Variants in PRDX2 observed in about 807,000 individuals in gnomAD.
PRDX2 encodes peroxiredoxin 2.
In PRDX2, 10 loss-of-function variants were observed where a neutral mutation model predicts 19.8. The ratio of observed to expected loss-of-function variants is 0.50; its 90% CI spans 0.31 to 0.86. PRDX2 has a LOEUF of 0.86. Among genes scored for constraint, PRDX2 ranks in the 40% least tolerant of loss-of-function variants. PRDX2 has a pLI of 0.04. For synonymous variants in PRDX2, 118 were observed against 108.2 expected, an observed-to-expected ratio of 1.09 and a Z score of -0.56; for missense variants, 226 against 260.1, an observed-to-expected ratio of 0.87 and a Z score of 0.90.
intron 5 of PRDX2, chr19:12,799,629 G>C (rs34186581): frequency 2.5e-6 from 1 of 404,488 alleles, no homozygotes; most frequent in East Asian, 5.6e-5. Context: ...CAAAGTGCTG[G>C]CAATACAACC....
chr19:12,798,263 T>C (rs1302808305), intron 5 of PRDX2, among the ~76,000 whole-genome samples: 1 of 152,104 alleles, frequency 6.6e-6, no homozygotes, highest in African/African-American at 2.4e-5. Flanking sequence ...GCTAGGATGG[T>C]CTCGATCTCC....
rs558104832 is a variant in PRDX2, at chr19:12,801,285, C to T, written c.-9-15G>A. On this transcript the variant is annotated splice_polypyrimidine_tract_variant and intron_variant, in intron 1 of 5. Transcript: ENST00000301522. ...ATGACTGAAAGCTGAGACCCCCGCC[C>T]GGTCAGTGCGCCCGGGAAGACACTT... The T allele has an allele frequency of 1.1e-5, 17 of 1,596,444 alleles. No individual in the cohort carries two copies. Among genetic ancestry groups the T allele is most frequent in the East Asian group, 2.3e-5 (1 of 43,508 alleles).
rs541030952 is a variant in PRDX2 at position 12,801,696 on chromosome 19, C to T, written c.-10+44G>A. On this transcript the variant is annotated intron_variant, in intron 1 of 5. Transcript: ENST00000301522. ...TAAAGTCAGGATCGGGCCAAAGCAG[C>T]CTGAAGGGGGTCCTCCCGCCAGGTG... is the stretch of plus-strand genomic sequence containing the variant. 1.4e-3 allele frequency: 409 copies of T among 293,352 alleles called. 3 individuals carry two copies. The highest frequency in any genetic ancestry group is 4.1e-3 in the Middle Eastern group (4 of 968). 18.2% of individuals were successfully genotyped at this position (293,352 alleles called of 1,614,324 possible). A position where few individuals can be genotyped will look rare whatever the true frequency, so the allele number is the denominator to read the frequency against.
At chr19:12,801,676 T>A in intron 1 of PRDX2, 64 bp downstream of exon 1, 1 of 316,224 alleles carries the variant, frequency 3.2e-6, no homozygotes, top group Non-Finnish European at 5.9e-6. Context: ...AGCACTAAAG[T>A]CAGGATCGGG....
At position 12,801,000 on chromosome 19, in the gene PRDX2, A is replaced by G; in HGVS notation, c.173T>C (p.Phe58Ser). 6.2e-7 allele frequency: 1 copy of G among 1,612,480 alleles called. No homozygotes were observed. Among genetic ancestry groups the G allele is most frequent in the East Asian group, 2.2e-5 (1 of 44,864 alleles). ...TFVCPTEIIA[F>S]SNRAEDFRKL... ...GCGGAAGTCCTCTGCACGGTTGCTGAACGCGATGATCTCGGTGGGGCACAC... is the reference window on the plus strand; with the variant it reads ...GCGGAAGTCCTCTGCACGGTTGCTGGACGCGATGATCTCGGTGGGGCACAC... Residue 58 changes from phenylalanine to serine, a missense_variant, in exon 3 of 6, where the codon TTC (phenylalanine) becomes TCC (serine). Transcript: ENST00000301522.
Position 12,796,967 on chromosome 19 carries a change from G to A in PRDX2, c.*114C>T, listed in dbSNP as rs1968800132. ...CCAGGGTCCCATACTGTGGAGTTTG[G>A]AGGGGCAGGTCTGGCCTTTCCTGGG... On this transcript the variant is annotated 3_prime_UTR_variant, in exon 6 of 6. Coordinates refer to ENST00000301522, the MANE Select transcript of PRDX2 (RefSeq NM_005809.6). The A allele has an allele frequency of 2.0e-6, 2 of 1,014,220 alleles. No individual in the cohort carries two copies. The highest frequency in any genetic ancestry group is 1.5e-5 in the South Asian group (1 of 68,136). The allele number at this position is 1,014,220 out of a possible 1,614,324, so 62.8% of individuals were successfully genotyped here. A position where few individuals can be genotyped will look rare whatever the true frequency, so the allele number is the denominator to read the frequency against.
chr19:12,801,626 C>A, intron 1 of PRDX2, 114 bp downstream of exon 1: 1 of 383,534 alleles, frequency 2.6e-6, no homozygotes, highest in Non-Finnish European at 4.8e-6. Flanking sequence ...CCCGCAAGGA[C>A]AAAGGAGGCC....
chr19:12,797,078 A>G lies in PRDX2; in HGVS notation c.*3T>C. Reference sequence around the variant, plus strand: ...GGCACAAGCTCACTATCCGTTAGCCAGCCTAATTGTGTTTGGAGAAATATT... The same window carrying G: ...GGCACAAGCTCACTATCCGTTAGCCGGCCTAATTGTGTTTGGAGAAATATT... On this transcript the variant is annotated 3_prime_UTR_variant, in exon 6 of 6. Transcript: ENST00000301522. 6.2e-7 allele frequency: 1 copy of G among 1,613,898 alleles called. No individual in the cohort carries two copies. Among genetic ancestry groups the G allele is most frequent in the Non-Finnish European group, 8.5e-7 (1 of 1,179,970 alleles).
Position 12,801,246 on chromosome 19 carries a change from C to G in PRDX2, c.16G>C (p.Ala6Pro). ...TCAGGGGCTGGCTTTCCGATGCGCGCGTTACCGGAGGCCATGACTGAAAGC... is the reference window on the plus strand; with the variant it reads ...TCAGGGGCTGGCTTTCCGATGCGCGGGTTACCGGAGGCCATGACTGAAAGC... Reference protein sequence around the residue: MASGNARIGKPAPDFK... With the variant: MASGNPRIGKPAPDFK... Residue 6 changes from alanine to proline, a missense_variant, in exon 2 of 6, where the codon GCG (alanine) becomes CCG (proline). Physicochemically the swap from Ala to Pro is conservative, Grantham distance 27. Coordinates refer to ENST00000301522, the MANE Select transcript of PRDX2 (RefSeq NM_005809.6). 1.2e-6 allele frequency: 2 copies of G among 1,613,314 alleles called. No homozygotes were observed. The highest frequency in any genetic ancestry group is 1.7e-6 in the Non-Finnish European group (2 of 1,179,738).
rs916807986 is a variant in PRDX2, at chr19:12,800,824, T to A, written c.257+92A>T. 7 of 1,551,932 alleles carry A rather than the reference T, an allele frequency of 4.5e-6. No individual in the cohort carries two copies. The African/African-American group carries it at 9.6e-5, about 21-fold the overall frequency. The stretch of plus-strand genomic sequence containing the variant: ...ATTTTCACGATGGGGAAACGCAGGT[T>A]CCAGAGGTTGAGCAATGGCCACGAA... On this transcript the variant is annotated intron_variant, in intron 3 of 5. Transcript: ENST00000301522.
chr19:12,798,024 A>G (rs187631014), intron 5 of PRDX2, among the ~76,000 whole-genome samples: 66 of 149,212 alleles, frequency 4.4e-4, no homozygotes, highest in Non-Finnish European at 1.6e-4. Context: ...TTTGCCACCC[A>G]GCTCTCCTTT....
At chr19:12,798,903 T>C (rs578206169) in intron 5 of PRDX2, among the ~76,000 whole-genome samples, 1 of 151,746 alleles carries the variant, frequency 6.6e-6, no homozygotes, top group Admixed American at 6.6e-5. Context: ...ACAGGTTTTT[T>C]TGTTGTTGTT....
intron 5 of PRDX2, chr19:12,799,504 G>A (rs934198494): frequency 1.5e-5 from 3 of 204,810 alleles, no homozygotes; most frequent in African/African-American, 2.3e-5. Context: ...GATTACAAGT[G>A]TGCACCACCA....
At chr19:12,800,447 T>G (rs1181297896) in intron 3 of PRDX2, 148 bp from the exon 4 acceptor site, 21 of 1,072,410 alleles carry the variant, frequency 2.0e-5, no homozygotes, top group Non-Finnish European at 2.5e-5. Flanking sequence ...CCACCCTGGG[T>G]TGGGTGCAAG....
Position 12,796,989 on chromosome 19 carries a change from TG to T in PRDX2, c.*91del. ...TTGGAGGGGCAGGTCTGGCCTTTCC[TG>T]GGTCAGCATAGGGCACCCAGGTGGG... is the stretch of plus-strand genomic sequence containing the variant. On this transcript the variant is annotated 3_prime_UTR_variant, in exon 6 of 6. Transcript: ENST00000301522. The T allele has an allele frequency of 1.5e-6, 2 of 1,341,674 alleles. No homozygotes were observed. The highest frequency in any genetic ancestry group is 1.9e-5 in the Admixed American group (1 of 53,716). The allele number at this position is 1,341,674 out of a possible 1,614,324, so 83.1% of individuals were successfully genotyped here. A position where few individuals can be genotyped will look rare whatever the true frequency, so the allele number is the denominator to read the frequency against.
intron 5 of PRDX2, among the ~76,000 whole-genome samples, chr19:12,797,454 G>A (rs1968810549): frequency 6.6e-6 from 1 of 151,372 alleles, no homozygotes; most frequent in African/African-American, 2.4e-5. Flanking sequence ...CTCCCTAGCT[G>A]GAATTACAGA....
At chr19:12,799,260 C>T (rs1007744957) in intron 5 of PRDX2, among the ~76,000 whole-genome samples, 1 of 151,906 alleles carries the variant, frequency 6.6e-6, no homozygotes, top group Non-Finnish European at 1.5e-5. Context: ...TGCAGTGGTG[C>T]GATCACAGCT....
intron 1 of PRDX2, 41 bp from the exon 2 acceptor site, chr19:12,801,311 T>G (rs942803839): frequency 1.9e-6 from 3 of 1,567,512 alleles, no homozygotes; most frequent in African/African-American, 2.7e-5. Context: ...GAAGACACTT[T>G]GTCCTCCCAA....
chr19:12,797,275 C>A (rs1968806442), intron 5 of PRDX2, 109 bp from the exon 6 acceptor site: 1 of 854,782 alleles, frequency 1.2e-6, no homozygotes, highest in South Asian at 1.5e-5. Flanking sequence ...GTGGTCCAGG[C>A]CCAGGAATGT....
Sources: gnomAD v4.1 joint callset for allele counts (sites outside exome capture counted in the v4.1 genomes callset) on GRCh38, gnomAD v4.1.1 for gene constraint, MANE v1.5 for transcripts, NCBI Gene and HGNC (gene_info 2026-07-23, HGNC 2026-07-21) for gene names.